Variants in ATP6V1H observed in about 807,000 individuals in gnomAD.
ATP6V1H encodes V-type proton ATPase subunit H.
A neutral mutation model predicts 71.7 loss-of-function variants in ATP6V1H; 39 were observed. The ratio of observed to expected loss-of-function variants is 0.54; its 90% CI spans 0.42 to 0.71. ATP6V1H has a LOEUF of 0.71. Among genes scored for constraint, ATP6V1H ranks in the 30% least tolerant of loss-of-function variants. The pLI is 0.00. For missense variants in ATP6V1H, 509 were observed against 594.9 expected, an observed-to-expected ratio of 0.86 and a Z score of 1.50; for synonymous variants, 192 against 199.3, an observed-to-expected ratio of 0.96 and a Z score of 0.31.
intron 8 of ATP6V1H, among the ~76,000 whole-genome samples, chr8:53,798,595 A>G (rs1809816203): frequency 7.5e-6 from 1 of 132,984 alleles, no homozygotes; most frequent in Non-Finnish European, 1.6e-5. Context: ...CATTATTCCT[A>G]TTTGCAATGT....
intron 3 of ATP6V1H, chr8:53,832,737 G>A: frequency 3.3e-6 from 1 of 303,826 alleles, no homozygotes; most frequent in Non-Finnish European, 6.0e-6. Context: ...CTTAAAAAAA[G>A]AAAAGTTAAG....
chr8:53,730,878 G>GGGCTC (rs1359315439), intron 13 of ATP6V1H, among the ~76,000 whole-genome samples: 4 of 152,164 alleles, frequency 2.6e-5, no homozygotes, highest in Non-Finnish European at 2.9e-5. Flanking sequence ...GTAGGATGAA[G>GGGCTC]GGCTCTGGCT....
intron 13 of ATP6V1H, among the ~76,000 whole-genome samples, chr8:53,720,347 T>C (rs1221656982): frequency 2.0e-5 from 3 of 152,200 alleles, no homozygotes; most frequent in Non-Finnish European, 4.4e-5. Flanking sequence ...AAAGAGATCA[T>C]ACTGCTGCAA....
intron 12 of ATP6V1H, among the ~76,000 whole-genome samples, chr8:53,750,225 T>G (rs1420164159): frequency 6.6e-6 from 1 of 152,152 alleles, no homozygotes; most frequent in African/African-American, 2.4e-5. Flanking sequence ...CTCCACCCAA[T>G]CTTACGAAAA....
chr8:53,797,660 C>T (rs866372157), intron 8 of ATP6V1H, among the ~76,000 whole-genome samples: 1 of 152,094 alleles, frequency 6.6e-6, no homozygotes, highest in Admixed American at 6.5e-5. Context: ...TATCTGCACT[C>T]ACTACCTTTC....
chr8:53,794,361 T>G (rs1373721367), intron 9 of ATP6V1H, among the ~76,000 whole-genome samples: 1 of 152,154 alleles, frequency 6.6e-6, no homozygotes, highest in Non-Finnish European at 1.5e-5. Context: ...CACTTTTTAT[T>G]TTCATTTTAC....
intron 2 of ATP6V1H, among the ~76,000 whole-genome samples, chr8:53,838,286 C>A: frequency 6.6e-6 from 1 of 152,066 alleles, no homozygotes; most frequent in East Asian, 1.9e-4. Context: ...CCACCACACA[C>A]GGCTAATTTT....
At chr8:53,733,493 T>C (rs1359715547) in intron 13 of ATP6V1H, among the ~76,000 whole-genome samples, 1 of 152,202 alleles carries the variant, frequency 6.6e-6, no homozygotes, top group East Asian at 1.9e-4. Context: ...AAGGAACAGA[T>C]GGCCTGCTCC....
chr8:53,783,489 C>G (rs1241978456), intron 9 of ATP6V1H, among the ~76,000 whole-genome samples: 1 of 152,112 alleles, frequency 6.6e-6, no homozygotes, highest in Non-Finnish European at 1.5e-5. Context: ...TTTCAAAAAG[C>G]CAGCTCCTGG....
rs550689533 is a variant in ATP6V1H at position 53,764,993 on chromosome 8, T to G, written c.1175+4625A>C. On this transcript the variant is annotated intron_variant, in intron 11 of 13. Transcript: ENST00000359530. ...GGTGGTATGTGCCTGTAGTCCTAGCTGCTCAAGAGGCTGAGATGGGAGGAT... is the reference window on the plus strand; with the variant it reads ...GGTGGTATGTGCCTGTAGTCCTAGCGGCTCAAGAGGCTGAGATGGGAGGAT... Among the ~76,000 whole-genome samples, 24 of 152,250 alleles carry G rather than the reference T, an allele frequency of 1.6e-4. No individual in the cohort carries two copies. The East Asian group carries it at 4.5e-3, about 28-fold the overall frequency.
At chr8:53,730,941 C>T (rs563156098) in intron 13 of ATP6V1H, among the ~76,000 whole-genome samples, 5 of 152,246 alleles carry the variant, frequency 3.3e-5, no homozygotes, top group South Asian at 4.2e-4. Flanking sequence ...GTCCACATGA[C>T]ATGAGAAAGA....
At chr8:53,727,089 C>T (rs1168000603) in intron 13 of ATP6V1H, among the ~76,000 whole-genome samples, 4 of 152,168 alleles carry the variant, frequency 2.6e-5, no homozygotes, top group East Asian at 1.9e-4. Flanking sequence ...GAAGGAGTAT[C>T]GGCAGGAAAG....
At chr8:53,831,288 C>CAGTCTGTAA (rs1810997508) in intron 3 of ATP6V1H, among the ~76,000 whole-genome samples, 1 of 152,184 alleles carries the variant, frequency 6.6e-6, no homozygotes, top group Non-Finnish European at 1.5e-5. Flanking sequence ...TATGGTAGAA[C>CAGTCTGTAA]CTATGGCTCC....
At chr8:53,800,652 C>T (rs1054136778) in intron 8 of ATP6V1H, among the ~76,000 whole-genome samples, 1 of 152,154 alleles carries the variant, frequency 6.6e-6, no homozygotes, top group Non-Finnish European at 1.5e-5. Context: ...GACTTCCAGA[C>T]AGTATTCTGC....
At chr8:53,750,975 G>C (rs1200044001) in intron 12 of ATP6V1H, among the ~76,000 whole-genome samples, 1 of 152,122 alleles carries the variant, frequency 6.6e-6, no homozygotes, top group Non-Finnish European at 1.5e-5. Context: ...TATTATCAAT[G>C]AGTATTAACT....
chr8:53,789,424 G>A (rs1809495842), intron 9 of ATP6V1H, among the ~76,000 whole-genome samples: 2 of 152,080 alleles, frequency 1.3e-5, no homozygotes, highest in Admixed American at 6.5e-5. Context: ...TGTAATCCCA[G>A]CACTTTGGGA....
intron 11 of ATP6V1H, among the ~76,000 whole-genome samples, chr8:53,764,188 A>T (rs1459371878): frequency 6.6e-6 from 1 of 152,230 alleles, no homozygotes; most frequent in Non-Finnish European, 1.5e-5. Flanking sequence ...TGAGACCAAC[A>T]TTACCATAAT....
chr8:53,728,292 G>A (rs973976815), intron 13 of ATP6V1H, among the ~76,000 whole-genome samples: 1 of 152,168 alleles, frequency 6.6e-6, no homozygotes, highest in Non-Finnish European at 1.5e-5. Context: ...AGAGCCACTC[G>A]GCATGGGTGG....
intron 13 of ATP6V1H, among the ~76,000 whole-genome samples, chr8:53,737,133 C>T (rs996181286): frequency 9.5e-4 from 145 of 152,318 alleles, no homozygotes; most frequent in African/African-American, 2.9e-3. Flanking sequence ...GCTTGGTTTT[C>T]GGGACACAAG....
Sources: gnomAD v4.1 joint callset for allele counts (sites outside exome capture counted in the v4.1 genomes callset) on GRCh38, gnomAD v4.1.1 for gene constraint, MANE v1.5 for transcripts, NCBI Gene and HGNC (gene_info 2026-07-23, HGNC 2026-07-21) for gene names.